Variants in SCML4 observed in about 807,000 individuals in gnomAD.
The protein encoded by SCML4 is sex comb on midleg-like protein 4.
In SCML4, 34 loss-of-function variants were observed where a neutral mutation model predicts 41.1. The observed-to-expected ratio is 0.83, with a 90% CI of 0.63 to 1.10. The LOEUF (loss-of-function observed/expected upper bound fraction) is 1.10. SCML4 is among the 50% of genes least tolerant of loss of function. The pLI is 0.00. For synonymous variants in SCML4, 214 were observed against 220.9 expected (o/e 0.97, Z 0.28); for missense variants, 522 against 534.1 (o/e 0.98, Z 0.22).
intron 2 of SCML4, among the ~76,000 whole-genome samples, chr6:107,756,108 A>T (rs1456843022): frequency 1.3e-5 from 2 of 152,242 alleles, no homozygotes; most frequent in African/African-American, 2.4e-5. Flanking sequence ...CAAATAATTT[A>T]TGTAGACACC....
the SCML4 span, among the ~76,000 whole-genome samples, chr6:107,844,861 A>G: frequency 7.9e-5 from 12 of 151,964 alleles, no homozygotes; most frequent in Non-Finnish European, 1.8e-4. Flanking sequence ...CAGGAGCTGG[A>G]GACCAGCCTA....
chr6:107,779,105 G>C lies in SCML4; in HGVS notation c.-59-6719C>G, dbSNP rs537770397. On this transcript the variant is annotated intron_variant, in intron 1 of 7. Coordinates refer to ENST00000369020, the MANE Select transcript of SCML4 (RefSeq NM_198081.5). ...TGAGGCAGGAGAATGGCGGGAACCC[G>C]GGAGGCGGAGCTTGCAGTGAGACAA... Among the ~76,000 whole-genome samples, 546 of 152,162 alleles carry C rather than the reference G, an allele frequency of 3.6e-3. 2 individuals carry two copies. Among genetic ancestry groups the C allele is most frequent in the Non-Finnish European group, 5.9e-3 (404 of 68,000 alleles).
chr6:107,704,006 C>T lies in SCML4; in HGVS notation c.*1194G>A, dbSNP rs2114316401. 1 of 152,332 alleles carries T rather than the reference C, an allele frequency of 6.6e-6. No individual in the cohort carries two copies. The highest frequency in any genetic ancestry group is 2.1e-4 in the South Asian group (1 of 4,826). 9.4% of individuals were successfully genotyped at this position (152,332 alleles called of 1,614,324 possible). The stretch of plus-strand genomic sequence containing the variant: ...GCCTAATAAATTGTGGATTCATTGT[C>T]CGTCTCTGGACACAGCTGCAAAGGA... On this transcript the variant is annotated 3_prime_UTR_variant, in exon 8 of 8. Coordinates refer to ENST00000369020, the MANE Select transcript of SCML4 (RefSeq NM_198081.5).
At chr6:107,826,505 A>C (rs1010082278), upstream of SCML4, among the ~76,000 whole-genome samples, 19 of 152,208 alleles carry the variant, frequency 1.2e-4, no homozygotes, top group Non-Finnish European at 2.2e-4. Context: ...GATTAAAAAA[A>C]ATAACATTTC....
chr6:107,759,332 A>ATAC (rs11270040), intron 2 of SCML4, among the ~76,000 whole-genome samples: 4 of 13,488 alleles, frequency 3.0e-4, no homozygotes, highest in African/African-American at 3.2e-4. Flanking sequence ...CCTGTCTCAA[A>ATAC]ATACATACAT....
chr6:107,802,576 G>GAGGAAGGA lies in SCML4; in HGVS notation c.-60+21549_-60+21550insTCCTTCCT, dbSNP rs1474006360. Among the ~76,000 whole-genome samples the GAGGAAGGA allele has an allele frequency of 1.1e-3, 54 of 51,296 alleles. 2 individuals are homozygous for GAGGAAGGA. In the East Asian group the frequency reaches 0.032, roughly 31 times the overall value. The allele number at this position is 51,296 out of a possible 152,430, so 33.7% of individuals were successfully genotyped here. A position where few individuals can be genotyped will look rare whatever the true frequency, so the allele number is the denominator to read the frequency against. Reference sequence around the variant, plus strand: ...CTTAAGAGCATTGGCTCGAGGGAGGGAGGGAGGAAGGAAGGAAGGAAGGAA... The same window carrying GAGGAAGGA: ...CTTAAGAGCATTGGCTCGAGGGAGGGAGGAAGGAAGGGAGGAAGGAAGGAAGGAAGGAA... On this transcript the variant is annotated intron_variant, in intron 1 of 7. Transcript: ENST00000369020.
At chr6:107,820,808 G>A (rs530769285) in intron 1 of SCML4, among the ~76,000 whole-genome samples, 2 of 152,258 alleles carry the variant, frequency 1.3e-5, no homozygotes, top group East Asian at 1.9e-4. Context: ...GGAGCACTGC[G>A]CTCTTGCAAA....
At chr6:107,765,532 G>T (rs1779964061) in intron 2 of SCML4, among the ~76,000 whole-genome samples, 1 of 152,172 alleles carries the variant, frequency 6.6e-6, no homozygotes, top group South Asian at 2.1e-4. Context: ...AAAAATTACA[G>T]TATATACACT....
At chr6:107,793,637 G>A (rs941233834) in intron 1 of SCML4, among the ~76,000 whole-genome samples, 2 of 152,164 alleles carry the variant, frequency 1.3e-5, no homozygotes, top group Admixed American at 6.5e-5. Context: ...ATTTGGTAAG[G>A]ATATTACAGC....
chr6:107,806,951 C>A (rs1170738444), intron 1 of SCML4, among the ~76,000 whole-genome samples: 1 of 152,154 alleles, frequency 6.6e-6, no homozygotes, highest in Non-Finnish European at 1.5e-5. Flanking sequence ...CCACCCTGGG[C>A]TCAGGTGCTC....
At chr6:107,794,640 T>C (rs568383996) in intron 1 of SCML4, among the ~76,000 whole-genome samples, 1 of 152,294 alleles carries the variant, frequency 6.6e-6, no homozygotes, top group East Asian at 1.9e-4. Flanking sequence ...TTGATTCAAA[T>C]CTACCTGAGT....
intron 3 of SCML4, among the ~76,000 whole-genome samples, chr6:107,749,374 C>T (rs767244327): frequency 9.9e-5 from 15 of 151,984 alleles, no homozygotes; most frequent in Non-Finnish European, 1.6e-4. Flanking sequence ...AATGGATCAG[C>T]GCACCCCAGC....
At chr6:107,807,382 C>T (rs1038940917) in intron 1 of SCML4, among the ~76,000 whole-genome samples, 5 of 152,294 alleles carry the variant, frequency 3.3e-5, no homozygotes, top group Admixed American at 3.3e-4. Flanking sequence ...AGGTCCCTTC[C>T]TCTAGCAAGA....
chr6:107,818,912 G>A (rs979385894), intron 1 of SCML4, among the ~76,000 whole-genome samples: 44 of 152,200 alleles, frequency 2.9e-4, no homozygotes, highest in Non-Finnish European at 5.1e-4. Context: ...CTAGACACCA[G>A]GGAAAAACAT....
Position 107,761,717 on chromosome 6 carries a change from A to G in SCML4, c.156+10455T>C, listed in dbSNP as rs531679087. ...CTCCCAAAGTGCTAGGATTACAGGC[A>G]TGAGCCACTATACCCGGCAAAATAT... On this transcript the variant is annotated intron_variant, in intron 2 of 7. Coordinates refer to ENST00000369020, the MANE Select transcript of SCML4 (RefSeq NM_198081.5). Among the ~76,000 whole-genome samples the G allele has an allele frequency of 2.6e-5, 4 of 152,222 alleles. No homozygotes were observed. In the South Asian group the frequency reaches 8.3e-4, roughly 32 times the overall value.
chr6:107,745,914 G>A (rs974165259), intron 4 of SCML4: 2 of 152,174 alleles, frequency 1.3e-5, no homozygotes, highest in African/African-American at 4.8e-5. Flanking sequence ...GATCGCTTGA[G>A]CCCGGAAGAT....
intron 6 of SCML4, among the ~76,000 whole-genome samples, chr6:107,716,043 G>T (rs947547984): frequency 6.6e-6 from 1 of 152,212 alleles, no homozygotes; most frequent in Non-Finnish European, 1.5e-5. Context: ...CTGACAGCTA[G>T]GTGAGAAATG....
At chr6:107,710,951 G>A in intron 6 of SCML4, among the ~76,000 whole-genome samples, 1 of 67,826 alleles carries the variant, frequency 1.5e-5, no homozygotes, top group Non-Finnish European at 3.1e-5. Flanking sequence ...TTACTACAGA[G>A]CAAAGTCCCA....
the SCML4 span, among the ~76,000 whole-genome samples, chr6:107,831,107 T>C: frequency 0.96 from 145,367 of 152,188 alleles, 69,748 homozygotes; most frequent in Non-Finnish European, 1. Context: ...ACAGTTACTG[T>C]TTCTGGGCTC....
Sources: allele counts gnomAD v4.1 joint callset (sites outside exome capture counted in the v4.1 genomes callset), GRCh38; gene constraint gnomAD v4.1.1; transcripts MANE v1.5; gene names NCBI Gene and HGNC (gene_info 2026-07-23, HGNC 2026-07-21).